PACRG: variants seen among roughly 807,000 people sequenced by gnomAD.
PACRG encodes the protein parkin coregulated gene protein.
In PACRG, 29 loss-of-function variants were observed where a neutral mutation model predicts 29.7. The ratio of observed to expected loss-of-function variants is 0.98; its 90% CI spans 0.73 to 1.33. The LOEUF (loss-of-function observed/expected upper bound fraction) is 1.33. PACRG is among the 40% of genes most tolerant of loss of function. The pLI is 0.00. For missense variants in PACRG, 279 were observed against 316.2 expected (o/e 0.88, Z 0.89); for synonymous variants, 116 against 118.7 (o/e 0.98, Z 0.15).
chr6:163,012,893 G>A (rs577652443), intron 2 of PACRG, among the ~76,000 whole-genome samples: 2 of 152,178 alleles, frequency 1.3e-5, no homozygotes, highest in South Asian at 2.1e-4. Flanking sequence ...AAGCTTTCAC[G>A]GTCTGTGTAA....
At chr6:163,251,818 G>A (rs1314139231) in intron 4 of PACRG, among the ~76,000 whole-genome samples, 1 of 152,198 alleles carries the variant, frequency 6.6e-6, no homozygotes, top group Non-Finnish European at 1.5e-5. Context: ...ATCATAGTTA[G>A]TTATTACTAC....
intron 4 of PACRG, among the ~76,000 whole-genome samples, chr6:163,200,097 C>T (rs1474253380): frequency 6.6e-6 from 1 of 152,066 alleles, no homozygotes; most frequent in Non-Finnish European, 1.5e-5. Flanking sequence ...AGATATAGTA[C>T]TTGGATGGGC....
In PACRG at chr6:163,301,728, C is replaced by T. The variant is rs138150936; in HGVS notation, c.614-13099C>T. 1.3e-3 allele frequency among the ~76,000 whole-genome samples: 195 copies of T among 152,324 alleles called. 1 individual carries two copies. The highest frequency in any genetic ancestry group is 4.4e-3 in the African/African-American group (182 of 41,576). ...ACAGTTAAATGATGGCCAGTCTACT[C>T]TTATCTGGGAGCTACAGTATAGACA... On this transcript the variant is annotated intron_variant, in intron 4 of 4. Transcript: ENST00000366888.
chr6:162,788,957 T>C (rs1784726024), intron 1 of PACRG, among the ~76,000 whole-genome samples: 1 of 152,188 alleles, frequency 6.6e-6, no homozygotes, highest in Non-Finnish European at 1.5e-5. Flanking sequence ...TGGCTTGTCT[T>C]CTCATTCTCT....
At chr6:163,242,691 C>G (rs986612392) in intron 4 of PACRG, among the ~76,000 whole-genome samples, 2 of 151,992 alleles carry the variant, frequency 1.3e-5, no homozygotes, top group Admixed American at 6.6e-5. Context: ...AATAAAGTAA[C>G]TAGAAAAATT....
At chr6:162,875,283 TCACACACACACATG>T (rs779235875) in intron 2 of PACRG, among the ~76,000 whole-genome samples, 1 of 145,654 alleles carries the variant, frequency 6.9e-6, no homozygotes, top group East Asian at 2.0e-4. Flanking sequence ...CCACACACAT[TCACACACACACATG>T]CACACACAGA....
chr6:163,000,866 G>C (rs990561991), intron 2 of PACRG, among the ~76,000 whole-genome samples: 3 of 152,204 alleles, frequency 2.0e-5, no homozygotes, highest in African/African-American at 7.2e-5. Flanking sequence ...TTAGGAAAAT[G>C]TGAAATTACC....
At chr6:163,234,113 A>C (rs1404491814) in intron 4 of PACRG, among the ~76,000 whole-genome samples, 2 of 152,222 alleles carry the variant, frequency 1.3e-5, no homozygotes, top group Non-Finnish European at 2.9e-5. Context: ...GAGCAGGGAC[A>C]GAAGATGATC....
intron 2 of PACRG, among the ~76,000 whole-genome samples, chr6:163,042,164 A>G (rs1808792072): frequency 6.6e-6 from 1 of 152,040 alleles, no homozygotes; most frequent in African/African-American, 2.4e-5. Context: ...GCGCCTGGCC[A>G]CACATATTGC....
intron 4 of PACRG, among the ~76,000 whole-genome samples, chr6:163,148,444 G>A (rs114532001): frequency 2.0e-5 from 3 of 152,190 alleles, no homozygotes; most frequent in Admixed American, 6.5e-5. Flanking sequence ...TGGCCATCAC[G>A]GGCAGGTTCG....
intron 2 of PACRG, among the ~76,000 whole-genome samples, chr6:162,928,977 A>G (rs959592019): frequency 2.0e-5 from 3 of 151,960 alleles, no homozygotes; most frequent in Non-Finnish European, 2.9e-5. Context: ...ATAATACTCC[A>G]TTGTGTATAT....
chr6:162,955,997 G>A (rs776625623), intron 2 of PACRG, among the ~76,000 whole-genome samples: 2 of 152,148 alleles, frequency 1.3e-5, no homozygotes, highest in Non-Finnish European at 2.9e-5. Context: ...CTCTGGACAT[G>A]GTGGGAAGCA....
At chr6:163,107,269 T>C (rs1815436091) in intron 4 of PACRG, among the ~76,000 whole-genome samples, 1 of 152,132 alleles carries the variant, frequency 6.6e-6, no homozygotes, top group South Asian at 2.1e-4. Flanking sequence ...ACAGAAAGAA[T>C]ATCAAGTAGA....
chr6:162,859,422 T>C (rs1791671142), intron 2 of PACRG, among the ~76,000 whole-genome samples: 1 of 152,200 alleles, frequency 6.6e-6, no homozygotes, highest in African/African-American at 2.4e-5. Context: ...CCTAATTGAA[T>C]TAGCAGGGCT....
Position 163,005,073 on chromosome 6 carries a change from A to G in PACRG, c.292-57077A>G, listed in dbSNP as rs186987237. On this transcript the variant is annotated intron_variant, in intron 2 of 4. Transcript: ENST00000366888. ...TTCAAGAAATTTGTCCATGTCATGT[A>G]AGCTGTATTAATTGTCATAAAGTTC... Among the ~76,000 whole-genome samples the G allele has an allele frequency of 5.9e-5, 9 of 152,150 alleles. No individual in the cohort carries two copies. The East Asian group carries it at 1.7e-3, about 29-fold the overall frequency.
At chr6:162,768,376 C>G (rs1782961558) in intron 1 of PACRG, among the ~76,000 whole-genome samples, 1 of 151,770 alleles carries the variant, frequency 6.6e-6, no homozygotes, top group Non-Finnish European at 1.5e-5. Context: ...GGATGTTTTT[C>G]TAATTTCCTC....
At chr6:162,825,676 T>G (rs2128383983) in intron 2 of PACRG, among the ~76,000 whole-genome samples, 1 of 152,330 alleles carries the variant, frequency 6.6e-6, no homozygotes, top group Admixed American at 6.5e-5. Flanking sequence ...CACACTCATC[T>G]ATTATCTTGA....
At chr6:163,292,398 T>C (rs1191780876) in intron 4 of PACRG, among the ~76,000 whole-genome samples, 3 of 152,036 alleles carry the variant, frequency 2.0e-5, no homozygotes, top group Non-Finnish European at 2.9e-5. Context: ...ACTGGGCCCA[T>C]GGCTTTTTGT....
At chr6:163,032,902 G>A (rs1807800600) in intron 2 of PACRG, among the ~76,000 whole-genome samples, 1 of 152,108 alleles carries the variant, frequency 6.6e-6, no homozygotes, top group South Asian at 2.1e-4. Context: ...TTTGCTCTAA[G>A]AAAAACCTAT....
Sources: allele counts gnomAD v4.1 joint callset (sites outside exome capture counted in the v4.1 genomes callset), GRCh38; gene constraint gnomAD v4.1.1; transcripts MANE v1.5; gene names NCBI Gene and HGNC (gene_info 2026-07-23, HGNC 2026-07-21).